HPSE2: variants seen among roughly 807,000 people sequenced by gnomAD.
The protein encoded by HPSE2 is heparanase 2 (inactive), also known as inactive heparanase-2.
HPSE2 carries 38 observed loss-of-function variants against 60.5 expected under a neutral mutation model. The observed-to-expected ratio is 0.63, with a 90% CI of 0.48 to 0.82. The LOEUF (loss-of-function observed/expected upper bound fraction) is 0.82. Ranked by LOEUF, HPSE2 falls within the 40% of genes least tolerant of loss-of-function variation. The pLI is 0.00. For synonymous variants in HPSE2, 295 were observed against 293.2 expected, an observed-to-expected ratio of 1.01 and a Z score of -0.06; for missense variants, 713 against 740.4, an observed-to-expected ratio of 0.96 and a Z score of 0.43.
intron 5 of HPSE2, among the ~76,000 whole-genome samples, chr10:98,720,842 C>G (rs1307756495): frequency 2.6e-5 from 4 of 152,014 alleles, no homozygotes; most frequent in African/African-American, 9.7e-5. Context: ...TCATGTGAAG[C>G]AATGAGTAAA....
chr10:98,494,918 C>T (rs1188654098), intron 9 of HPSE2, among the ~76,000 whole-genome samples: 2 of 152,146 alleles, frequency 1.3e-5, no homozygotes, highest in African/African-American at 4.8e-5. Context: ...GGAGTTAAAA[C>T]CTATTATTAC....
At chr10:99,116,647 C>A (rs1844702360) in intron 3 of HPSE2, among the ~76,000 whole-genome samples, 1 of 152,062 alleles carries the variant, frequency 6.6e-6, no homozygotes, top group Non-Finnish European at 1.5e-5. Flanking sequence ...AAGTGGCAGC[C>A]AGTTGTTGAA....
chr10:99,187,467 A>G (rs1281247668), intron 2 of HPSE2, among the ~76,000 whole-genome samples: 1 of 152,226 alleles, frequency 6.6e-6, no homozygotes, highest in Admixed American at 6.5e-5. Flanking sequence ...AAGGCAAACC[A>G]GATACAAGGA....
chr10:99,159,915 C>T (rs1011868738), intron 2 of HPSE2, among the ~76,000 whole-genome samples: 3 of 151,846 alleles, frequency 2.0e-5, no homozygotes, highest in East Asian at 1.9e-4. Context: ...CTGAGGTGGG[C>T]GGATCACTTG....
chr10:98,536,801 AAG>A (rs1161908662), intron 9 of HPSE2, among the ~76,000 whole-genome samples: 3 of 152,168 alleles, frequency 2.0e-5, no homozygotes, highest in Non-Finnish European at 4.4e-5. Context: ...CCATGAATGT[AAG>A]AGAGTTTACT....
intron 3 of HPSE2, among the ~76,000 whole-genome samples, chr10:99,054,171 C>T (rs1958056397): frequency 6.6e-6 from 1 of 151,960 alleles, no homozygotes; most frequent in Non-Finnish European, 1.5e-5. Context: ...AGAAGGGAGA[C>T]CCAGGAGTTT....
intron 3 of HPSE2, among the ~76,000 whole-genome samples, chr10:98,943,101 G>T (rs1475615142): frequency 9.0e-6 from 1 of 110,972 alleles, no homozygotes; most frequent in East Asian, 3.3e-4. Flanking sequence ...GGAGGGGGGA[G>T]GGATGGCATT....
chr10:98,471,122 T>C (rs1940762528), intron 11 of HPSE2, among the ~76,000 whole-genome samples: 1 of 152,238 alleles, frequency 6.6e-6, no homozygotes, highest in Non-Finnish European at 1.5e-5. Flanking sequence ...GCTCATGGCA[T>C]GTTCACACCT....
chr10:98,901,596 A>G (rs1488622318), intron 3 of HPSE2, among the ~76,000 whole-genome samples: 2 of 152,134 alleles, frequency 1.3e-5, no homozygotes, highest in South Asian at 2.1e-4. Context: ...TCTGATGGCC[A>G]TATTTGGCCA....
At chr10:98,844,680 C>T (rs1245884939) in intron 3 of HPSE2, among the ~76,000 whole-genome samples, 4 of 152,168 alleles carry the variant, frequency 2.6e-5, no homozygotes, top group African/African-American at 9.7e-5. Flanking sequence ...TGAACTTCAG[C>T]ATGTAATTTT....
In HPSE2 at chr10:98,938,828, A is replaced by C. The variant is rs577696610; in HGVS notation, c.611-194772T>G. Among the ~76,000 whole-genome samples, 48 of 144,044 alleles carry C rather than the reference A, an allele frequency of 3.3e-4. 8 individuals are homozygous for C. Among genetic ancestry groups the C allele is most frequent in the African/African-American group, 1.0e-3 (36 of 35,474 alleles). The allele number at this position is 144,044 out of a possible 152,430, so 94.5% of individuals were successfully genotyped here. ...ATGAAGGAAAAAATGTTAAGGGCAGACAGAGAGAAAGGTCAGGTTACCCAC... is the reference window on the plus strand; with the variant it reads ...ATGAAGGAAAAAATGTTAAGGGCAGCCAGAGAGAAAGGTCAGGTTACCCAC... On this transcript the variant is annotated intron_variant, in intron 3 of 11. Coordinates refer to ENST00000370552, the MANE Select transcript of HPSE2 (RefSeq NM_021828.5).
intron 5 of HPSE2, among the ~76,000 whole-genome samples, chr10:98,705,501 C>A (rs1312793126): frequency 3.3e-5 from 5 of 152,148 alleles, no homozygotes; most frequent in African/African-American, 1.2e-4. Context: ...GACATGGAAC[C>A]AACCCAAATG....
At chr10:99,209,336 G>A (rs1848873881) in intron 2 of HPSE2, among the ~76,000 whole-genome samples, 1 of 152,098 alleles carries the variant, frequency 6.6e-6, no homozygotes, top group African/African-American at 2.4e-5. Context: ...GTAACAGGAA[G>A]AAATTCAGAA....
intron 2 of HPSE2, among the ~76,000 whole-genome samples, chr10:99,225,740 G>A (rs1849451786): frequency 6.6e-6 from 1 of 151,982 alleles, no homozygotes; most frequent in East Asian, 1.9e-4. Flanking sequence ...CTCCAATGAA[G>A]TAAAATAAAA....
intron 3 of HPSE2, among the ~76,000 whole-genome samples, chr10:98,980,795 T>C (rs1956188707): frequency 6.6e-6 from 1 of 152,170 alleles, no homozygotes; most frequent in Non-Finnish European, 1.5e-5. Context: ...TTTCATATGA[T>C]CAAATCTAAT....
At chr10:98,596,907 T>C (rs1181043600) in intron 9 of HPSE2, among the ~76,000 whole-genome samples, 1 of 152,188 alleles carries the variant, frequency 6.6e-6, no homozygotes, top group Non-Finnish European at 1.5e-5. Context: ...TACCTGAGAC[T>C]GGGTAATTTA....
At chr10:98,649,441 G>T (rs1946859537) in intron 6 of HPSE2, among the ~76,000 whole-genome samples, 1 of 152,158 alleles carries the variant, frequency 6.6e-6, no homozygotes, top group African/African-American at 2.4e-5. Flanking sequence ...TAGGTACTAA[G>T]TAACAGACAC....
chr10:98,487,283 G>T (rs1011874904), intron 10 of HPSE2, among the ~76,000 whole-genome samples: 22 of 152,190 alleles, frequency 1.4e-4, no homozygotes, highest in African/African-American at 5.1e-4. Flanking sequence ...GTGGTGGTAT[G>T]AGGATCTAAC....
At chr10:99,251,687 C>G in the HPSE2 span, among the ~76,000 whole-genome samples, 6 of 138,974 alleles carry the variant, frequency 4.3e-5, no homozygotes, top group African/African-American at 1.5e-4. Flanking sequence ...AAGTTTGGTT[C>G]AACATAAGCA....
Sources: allele counts gnomAD v4.1 joint callset (sites outside exome capture counted in the v4.1 genomes callset), GRCh38; gene constraint gnomAD v4.1.1; transcripts MANE v1.5; gene names NCBI Gene and HGNC (gene_info 2026-07-23, HGNC 2026-07-21).